TNR: variants seen among roughly 807,000 people sequenced by gnomAD.
TNR encodes the protein tenascin-R.
Under a neutral mutation model 150.4 loss-of-function variants are expected in TNR, and 45 were observed. The observed-to-expected ratio is 0.30, with a 90% confidence interval of 0.24 to 0.38. The LOEUF is 0.38. Ranked by LOEUF, TNR falls within the 10% of genes least tolerant of loss-of-function variation. The pLI is 1.00. For missense variants in TNR, 1,544 were observed against 1,759.1 expected (o/e 0.88, Z 2.19); for synonymous variants, 687 against 678.4 (o/e 1.01, Z -0.20).
intron 2 of TNR, among the ~76,000 whole-genome samples, chr1:175,474,684 G>C (rs566095479): frequency 6.6e-6 from 1 of 152,338 alleles, no homozygotes; most frequent in Admixed American, 6.5e-5. Context: ...GGGGACATCT[G>C]GAAACTTCTT....
chr1:175,596,304 T>C (rs1663004344), intron 1 of TNR, among the ~76,000 whole-genome samples: 2 of 151,966 alleles, frequency 1.3e-5, no homozygotes, highest in Admixed American at 6.6e-5. Context: ...AGGGTCCTTC[T>C]AGAAGGTCCT....
chr1:175,456,035 C>T (rs537797457), intron 2 of TNR, among the ~76,000 whole-genome samples: 1 of 152,322 alleles, frequency 6.6e-6, no homozygotes, highest in South Asian at 2.1e-4. Context: ...ACCTACGTGC[C>T]AGCTCTAAGG....
intron 2 of TNR, among the ~76,000 whole-genome samples, chr1:175,479,951 A>G (rs1276582172): frequency 6.6e-6 from 1 of 152,108 alleles, no homozygotes; most frequent in African/African-American, 2.4e-5. Flanking sequence ...AATACTAAGA[A>G]GTAGCTCCTG....
intron 9 of TNR, among the ~76,000 whole-genome samples, chr1:175,369,562 T>C (rs757108191): frequency 2.0e-5 from 3 of 152,194 alleles, no homozygotes; most frequent in Non-Finnish European, 2.9e-5. Context: ...AAATAAGGGT[T>C]TGGGGTGGAC....
intron 2 of TNR, among the ~76,000 whole-genome samples, chr1:175,492,353 C>T (rs1658296282): frequency 6.6e-6 from 1 of 152,154 alleles, no homozygotes; most frequent in African/African-American, 2.4e-5. Context: ...GCACATCTGG[C>T]ATGCAGGTGG....
At chr1:175,394,550 C>A (rs1409491178) in intron 5 of TNR, among the ~76,000 whole-genome samples, 1 of 152,166 alleles carries the variant, frequency 6.6e-6, no homozygotes, top group African/African-American at 2.4e-5. Context: ...CAGTCACATA[C>A]ACATGCACAG....
intron 8 of TNR, among the ~76,000 whole-genome samples, chr1:175,385,666 C>T (rs1652880888): frequency 6.6e-6 from 1 of 152,172 alleles, no homozygotes; most frequent in Non-Finnish European, 1.5e-5. Context: ...GAAAGAGACA[C>T]CTTTCCTGAA....
At chr1:175,684,220 A>T (rs1666121941) in intron 1 of TNR, among the ~76,000 whole-genome samples, 1 of 152,190 alleles carries the variant, frequency 6.6e-6, no homozygotes, top group Non-Finnish European at 1.5e-5. Flanking sequence ...GAAGCCACTC[A>T]TCTGTTCGTT....
At chr1:175,331,162 T>TTTCTTTCC (rs1229401260) in intron 20 of TNR, among the ~76,000 whole-genome samples, 1,000 of 70,910 alleles carry the variant, frequency 0.014, 68 homozygotes, top group Non-Finnish European at 0.018. Context: ...TTTCTTTTTC[T>TTTCTTTCC]TTCCTTCCTT....
intron 20 of TNR, among the ~76,000 whole-genome samples, chr1:175,331,043 T>TTCTTTCTTTCTTTCTTTCCTTC (rs1557867497): frequency 9.0e-4 from 71 of 78,948 alleles, no homozygotes; most frequent in East Asian, 3.1e-3. Flanking sequence ...CTTTCTTTCT[T>TTCTTTCTTTCTTTCTTTCCTTC]TCTTTCTTTC....
intron 18 of TNR, among the ~76,000 whole-genome samples, chr1:175,339,474 G>A (rs1650412781): frequency 6.6e-6 from 1 of 152,196 alleles, no homozygotes; most frequent in Non-Finnish European, 1.5e-5. Flanking sequence ...AGAGGCTACA[G>A]TTACATTTCA....
intron 1 of TNR, among the ~76,000 whole-genome samples, chr1:175,723,822 G>T (rs1368543619): frequency 6.6e-6 from 1 of 152,136 alleles, no homozygotes; most frequent in East Asian, 1.9e-4. Context: ...AGTGAGCCAA[G>T]ATCACACCAC....
At chr1:175,399,012 T>C (rs143758635) in intron 4 of TNR, among the ~76,000 whole-genome samples, 160 of 152,300 alleles carry the variant, frequency 1.1e-3, no homozygotes, top group Non-Finnish European at 2.0e-3. Flanking sequence ...GTTTTCATTC[T>C]TTCCCCTACA....
intron 1 of TNR, among the ~76,000 whole-genome samples, chr1:175,546,134 G>T (rs1660676869): frequency 6.6e-6 from 1 of 152,158 alleles, no homozygotes; most frequent in African/African-American, 2.4e-5. Flanking sequence ...GATTACAAGG[G>T]ACGGCAGAAG....
chr1:175,469,746 C>A (rs1571485661), intron 2 of TNR, among the ~76,000 whole-genome samples: 2 of 152,130 alleles, frequency 1.3e-5, no homozygotes, highest in East Asian at 3.9e-4. Context: ...CTCTACTGGT[C>A]TTAAATATGG....
rs145200901 is a variant in TNR, at chr1:175,475,398, A to G, written c.-64+52871T>C. ...TGGTTATGCCCTTTCATGAGATGAC[A>G]TGTAAGTGTGGTGGACGTGCTGGCT... On this transcript the variant is annotated intron_variant, in intron 2 of 22. Transcript: ENST00000367674. Among the ~76,000 whole-genome samples the G allele has an allele frequency of 1.6e-3, 242 of 152,304 alleles. 6 individuals are homozygous for G. The highest frequency in any genetic ancestry group is 0.014 in the Admixed American group (220 of 15,288).
chr1:175,583,315 G>C (rs1397703610), intron 1 of TNR, among the ~76,000 whole-genome samples: 1 of 152,168 alleles, frequency 6.6e-6, no homozygotes, highest in Non-Finnish European at 1.5e-5. Flanking sequence ...GCCTCAGAAA[G>C]CCACAGTGCC....
rs1455215211 is a variant in TNR at position 175,632,698 on chromosome 1, T to C, written c.-164-104329A>G. Among the ~76,000 whole-genome samples, 4 of 152,208 alleles carry C rather than the reference T, an allele frequency of 2.6e-5. No homozygotes were observed. The East Asian group carries it at 7.7e-4, about 29-fold the overall frequency. Reference sequence around the variant, plus strand: ...TTTAGCACTGTGTACCTTATCTCTTTCAATCCTGAGAATGGCCCTGCAAGG... The same window carrying C: ...TTTAGCACTGTGTACCTTATCTCTTCCAATCCTGAGAATGGCCCTGCAAGG... On this transcript the variant is annotated intron_variant, in intron 1 of 22. Coordinates refer to ENST00000367674, the MANE Select transcript of TNR (RefSeq NM_003285.3).
At position 175,396,770 on chromosome 1, in the gene TNR, G is replaced by A. The variant is rs779406233; in HGVS notation, c.1014C>T (p.Ser338=). The A allele has an allele frequency of 2.5e-6, 4 of 1,613,974 alleles. No homozygotes were observed. The highest frequency in any genetic ancestry group is 3.4e-6 in the Non-Finnish European group (4 of 1,179,916). The change falls in exon 5 of 23, where the codon AGC becomes AGT. Residue 338 remains serine, a synonymous_variant. Coordinates refer to ENST00000367674, the MANE Select transcript of TNR (RefSeq NM_003285.3). ...CCCATTCCAGCTCAATGGACCTGTC[G>A]CTGATACCAGCCACTCGCAAGTCCT... ...PPEDLRVAGI[S]DRSIELEWDG...
Sources: gnomAD v4.1 joint callset for allele counts (sites outside exome capture counted in the v4.1 genomes callset) on GRCh38, gnomAD v4.1.1 for gene constraint, MANE v1.5 for transcripts, NCBI Gene and HGNC (gene_info 2026-07-23, HGNC 2026-07-21) for gene names.